Variants in SHC3 observed in about 807,000 individuals in gnomAD.
SHC3 encodes the protein SHC adaptor protein 3.
SHC3 carries 15 observed loss-of-function variants against 60.4 expected under a neutral mutation model. That is an observed-to-expected ratio of 0.25 (90% CI 0.17 to 0.38). SHC3 has a LOEUF of 0.38. Among genes scored for constraint, SHC3 ranks in the 10% least tolerant of loss-of-function variants. The probability of loss-of-function intolerance (pLI) is 1.00; values close to 1 mark genes in which losing one functional copy is unlikely to be tolerated. For missense variants in SHC3, 677 were observed against 786.1 expected (o/e 0.86, Z 1.66); for synonymous variants, 294 against 325.9 (o/e 0.90, Z 1.05).
chr9:89,073,851 G>C (rs1007880474), intron 4 of SHC3, among the ~76,000 whole-genome samples: 8 of 152,224 alleles, frequency 5.3e-5, no homozygotes, highest in Non-Finnish European at 1.2e-4. Context: ...GCATGAAGGA[G>C]AGTGCAGAGG....
chr9:89,087,091 C>T (rs930268428), intron 2 of SHC3, among the ~76,000 whole-genome samples: 2 of 152,190 alleles, frequency 1.3e-5, no homozygotes, highest in Admixed American at 6.5e-5. Flanking sequence ...CATCAAGGGA[C>T]TCCAGATGTC....
In SHC3 at chr9:89,038,242, T is replaced by A. The variant is rs756366779; in HGVS notation, c.1407A>T (p.Leu469Phe). ...TGCACTCCACGGAGGCTGCCTTGCT[T>A]AACACGGGCCCCAAGGGCTGGTTCT... ...ALKNQPLGPV[L>F]SKAASVECIS... The change falls in exon 11 of 12, where the codon TTA (leucine) becomes TTT (phenylalanine). Residue 469 changes from leucine to phenylalanine, a missense_variant. Transcript: ENST00000375835. 5.0e-6 allele frequency: 8 copies of A among 1,613,826 alleles called. No homozygotes were observed. The highest frequency in any genetic ancestry group is 6.8e-6 in the Non-Finnish European group (8 of 1,179,992).
At chr9:89,032,874 T>G (rs1173271618) in intron 11 of SHC3, among the ~76,000 whole-genome samples, 1 of 152,178 alleles carries the variant, frequency 6.6e-6, no homozygotes, top group East Asian at 1.9e-4. Flanking sequence ...TTGAAGAGAA[T>G]GTGTTCATTG....
At chr9:89,031,666 T>A (rs140093561) in intron 11 of SHC3, among the ~76,000 whole-genome samples, 2,695 of 152,324 alleles carry the variant, frequency 0.018, 29 homozygotes, top group South Asian at 0.029. Flanking sequence ...TGTTTCTACC[T>A]TTTGGCTATT....
chr9:89,039,296 G>A (rs147943628), intron 10 of SHC3, among the ~76,000 whole-genome samples: 16 of 152,320 alleles, frequency 1.1e-4, no homozygotes, highest in African/African-American at 2.9e-4. Context: ...TGTAAAATAA[G>A]CCAAACTTGT....
chr9:89,014,099 G>C (rs1208251380), intron 11 of SHC3, among the ~76,000 whole-genome samples: 1 of 152,186 alleles, frequency 6.6e-6, no homozygotes, highest in Non-Finnish European at 1.5e-5. Flanking sequence ...CCCACCAGGG[G>C]CAAGCCTCAC....
chr9:89,009,559 C>T lies in SHC3; in HGVS notation c.*3888G>A, dbSNP rs1825988234. On this transcript the variant is annotated 3_prime_UTR_variant, in exon 12 of 12. Coordinates refer to ENST00000375835, the MANE Select transcript of SHC3 (RefSeq NM_016848.6). Reference sequence around the variant, plus strand: ...CATATATTTGTCAATCCCCAGCACGCCCTCAAGCTGGGAACATGTATAGCC... The same window carrying T: ...CATATATTTGTCAATCCCCAGCACGTCCTCAAGCTGGGAACATGTATAGCC... The T allele has an allele frequency of 6.6e-6, 1 of 152,210 alleles. No individual in the cohort carries two copies. Among genetic ancestry groups the T allele is most frequent in the Non-Finnish European group, 1.5e-5 (1 of 68,042 alleles). 9.4% of individuals were successfully genotyped at this position (152,210 alleles called of 1,614,324 possible).
chr9:89,069,266 G>A (rs746515567), intron 5 of SHC3, among the ~76,000 whole-genome samples: 15 of 152,172 alleles, frequency 9.9e-5, no homozygotes, highest in Admixed American at 2.0e-4. Context: ...CTGTGATGGC[G>A]CCACTGCATT....
intron 2 of SHC3, among the ~76,000 whole-genome samples, chr9:89,084,195 T>C (rs1433251966): frequency 6.6e-6 from 1 of 152,198 alleles, no homozygotes; most frequent in Non-Finnish European, 1.5e-5. Context: ...TGACTTCCCT[T>C]ACACCTTAGC....
chr9:89,118,044 G>T (rs1826041265), intron 1 of SHC3, among the ~76,000 whole-genome samples: 1 of 151,970 alleles, frequency 6.6e-6, no homozygotes, highest in South Asian at 2.1e-4. Context: ...TTTCTGAAGA[G>T]ATTTAAAATC....
chr9:89,085,172 T>G (rs2118037294), intron 2 of SHC3, among the ~76,000 whole-genome samples: 1 of 152,352 alleles, frequency 6.6e-6, no homozygotes, highest in East Asian at 1.9e-4. Flanking sequence ...CTGTGGTGCC[T>G]GACACCAGGC....
At chr9:89,066,253 G>A (rs1825178946) in intron 5 of SHC3, among the ~76,000 whole-genome samples, 1 of 152,154 alleles carries the variant, frequency 6.6e-6, no homozygotes, top group Non-Finnish European at 1.5e-5. Context: ...TGCTGCTCTG[G>A]GGGCCACACT....
At chr9:89,170,743 C>A (rs1826857581) in intron 1 of SHC3, among the ~76,000 whole-genome samples, 1 of 152,130 alleles carries the variant, frequency 6.6e-6, no homozygotes, top group Non-Finnish European at 1.5e-5. Context: ...AATAAGAATA[C>A]AAAAATTAAA....
In SHC3 at chr9:89,076,243, T is replaced by G. The variant is rs574682421; in HGVS notation, c.610-1015A>C. Among the ~76,000 whole-genome samples the G allele has an allele frequency of 9.2e-5, 14 of 152,238 alleles. No individual in the cohort carries two copies. The South Asian group carries it at 1.2e-3, about 14-fold the overall frequency. ...CTCTGGAGCCTTACTTGGTTCCCCA[T>G]GGACTGGCCAGAACATGGGCTGGCA... On this transcript the variant is annotated intron_variant, in intron 3 of 11. Transcript: ENST00000375835.
rs76798920 is a variant in SHC3, at chr9:89,104,219, G to C, written c.545+8337C>G. Among the ~76,000 whole-genome samples, 543 of 152,128 alleles carry C rather than the reference G, an allele frequency of 3.6e-3. 3 individuals carry two copies. The highest frequency in any genetic ancestry group is 0.012 in the African/African-American group (511 of 41,498). ...TTTTCAAAGCTGTGGTTTCATAGATGGTAGCTGCAAATGGTTCCAAAGTTA... is the reference window on the plus strand; with the variant it reads ...TTTTCAAAGCTGTGGTTTCATAGATCGTAGCTGCAAATGGTTCCAAAGTTA... On this transcript the variant is annotated intron_variant, in intron 2 of 11. Transcript: ENST00000375835.
chr9:89,133,740 A>G lies in SHC3; in HGVS notation c.475-21114T>C, dbSNP rs570242503. Among the ~76,000 whole-genome samples, 18 of 152,204 alleles carry G rather than the reference A, an allele frequency of 1.2e-4. No homozygotes were observed. In the East Asian group the frequency reaches 2.5e-3, roughly 21 times the overall value. On this transcript the variant is annotated intron_variant, in intron 1 of 11. Coordinates refer to ENST00000375835, the MANE Select transcript of SHC3 (RefSeq NM_016848.6). The stretch of plus-strand genomic sequence containing the variant: ...AACACTTGGACACAGGGTAGGGAAC[A>G]TCACACACTGGGGCCTGTCATGGGG...
At chr9:89,146,048 G>C (rs1253368963) in intron 1 of SHC3, among the ~76,000 whole-genome samples, 1 of 152,094 alleles carries the variant, frequency 6.6e-6, no homozygotes, top group Non-Finnish European at 1.5e-5. Context: ...ACTTCAGCAT[G>C]CAGCTACAAT....
rs1451817005 is a variant in SHC3 at position 89,009,746 on chromosome 9, A to G, written c.*3701T>C. On this transcript the variant is annotated 3_prime_UTR_variant, in exon 12 of 12. Coordinates refer to ENST00000375835, the MANE Select transcript of SHC3 (RefSeq NM_016848.6). ...ATAGTCCGAGGCTTCTGCCCAGCTC[A>G]GCCCAACAGAAAAGAAATGTGTGAC... is the stretch of plus-strand genomic sequence containing the variant. 2 of 152,240 alleles carry G rather than the reference A, an allele frequency of 1.3e-5. No homozygotes were observed. Among genetic ancestry groups the G allele is most frequent in the Admixed American group, 1.3e-4 (2 of 15,286 alleles). 9.4% of individuals were successfully genotyped at this position (152,240 alleles called of 1,614,324 possible).
intron 6 of SHC3, among the ~76,000 whole-genome samples, chr9:89,057,876 G>A (rs1361298562): frequency 1.3e-5 from 2 of 152,170 alleles, no homozygotes; most frequent in African/African-American, 2.4e-5. Context: ...TAAGGATCTC[G>A]AGATGAGATT....
Sources: allele counts gnomAD v4.1 joint callset (sites outside exome capture counted in the v4.1 genomes callset), GRCh38; gene constraint gnomAD v4.1.1; transcripts MANE v1.5; gene names NCBI Gene and HGNC (gene_info 2026-07-23, HGNC 2026-07-21).